The following TMEM117 variants were observed in gnomAD, a reference collection of about 807,000 sequenced individuals.
The protein encoded by TMEM117 is transmembrane protein 117.
A neutral mutation model predicts 52.4 loss-of-function variants in TMEM117; 27 were observed. The observed-to-expected ratio is 0.51, with a 90% confidence interval of 0.38 to 0.71. TMEM117 has a LOEUF of 0.71. TMEM117 is among the 30% of genes least tolerant of loss of function. TMEM117 has a pLI of 0.00. For missense variants in TMEM117, 556 were observed against 630.5 expected (o/e 0.88, Z 1.26); for synonymous variants, 215 against 206.3 (o/e 1.04, Z -0.36).
At chr12:44,211,440 C>T in intron 5 of TMEM117, 53 bp downstream of exon 5, 1 of 1,276,448 alleles carries the variant, frequency 7.8e-7, no homozygotes, top group South Asian at 1.3e-5. Context: ...CACTGAAGGA[C>T]TTTAGTTGGA....
At chr12:44,237,530 A>C (rs961514943) in intron 5 of TMEM117, among the ~76,000 whole-genome samples, 1 of 152,092 alleles carries the variant, frequency 6.6e-6, no homozygotes, top group Admixed American at 6.6e-5. Flanking sequence ...CAGCTTGGCC[A>C]ACATGGTGAA....
At chr12:43,838,006 CT>C (rs1379038151) in intron 1 of TMEM117, among the ~76,000 whole-genome samples, 8 of 152,150 alleles carry the variant, frequency 5.3e-5, no homozygotes, top group Non-Finnish European at 1.0e-4. Context: ...ATCAGAACCA[CT>C]TATGGTGGTT....
intron 3 of TMEM117, among the ~76,000 whole-genome samples, chr12:44,086,493 G>A (rs1426395497): frequency 6.6e-6 from 1 of 152,110 alleles, no homozygotes; most frequent in Non-Finnish European, 1.5e-5. Context: ...GGGATTACAG[G>A]CGTGAGCTAC....
In TMEM117 at chr12:44,022,874, T is replaced by C. The variant is rs554307891; in HGVS notation, c.410+78532T>C. On this transcript the variant is annotated intron_variant, in intron 3 of 7. Coordinates refer to ENST00000266534, the MANE Select transcript of TMEM117 (RefSeq NM_032256.3). ...TGAATTTAAAAGGAAAACAAGGAGG[T>C]TTCATTTTAATTTAATTTCCAGACA... Among the ~76,000 whole-genome samples, 41 of 152,060 alleles carry C rather than the reference T, an allele frequency of 2.7e-4. 1 individual carries two copies. The highest frequency in any genetic ancestry group is 9.4e-4 in the African/African-American group (39 of 41,502).
At chr12:44,029,778 C>T (rs1303883291) in intron 3 of TMEM117, among the ~76,000 whole-genome samples, 1 of 151,768 alleles carries the variant, frequency 6.6e-6, no homozygotes, top group African/African-American at 2.4e-5. Flanking sequence ...TAGGATAGAA[C>T]ACAGGCTTAG....
intron 5 of TMEM117, among the ~76,000 whole-genome samples, chr12:44,224,091 A>G (rs1242212908): frequency 6.6e-6 from 1 of 152,010 alleles, no homozygotes; most frequent in African/African-American, 2.4e-5. Flanking sequence ...AAAGACCTTT[A>G]ACTTCATTCT....
chr12:44,163,890 G>A (rs1948929638), intron 4 of TMEM117, among the ~76,000 whole-genome samples: 1 of 152,104 alleles, frequency 6.6e-6, no homozygotes. Context: ...AATATGTCAG[G>A]TCAACTGGAT....
At chr12:44,206,281 T>C (rs1376725501) in intron 4 of TMEM117, among the ~76,000 whole-genome samples, 1 of 152,216 alleles carries the variant, frequency 6.6e-6, no homozygotes, top group East Asian at 1.9e-4. Context: ...GGTTTAGGAA[T>C]GCCTTGAGCA....
chr12:44,137,877 C>T (rs1565844161), intron 3 of TMEM117, among the ~76,000 whole-genome samples: 1 of 152,086 alleles, frequency 6.6e-6, no homozygotes, highest in Non-Finnish European at 1.5e-5. Context: ...ACATGCTTTA[C>T]CCTGTGACAT....
At chr12:43,987,493 G>A (rs1455467326) in intron 3 of TMEM117, among the ~76,000 whole-genome samples, 1 of 148,030 alleles carries the variant, frequency 6.8e-6, no homozygotes, top group Non-Finnish European at 1.5e-5. Flanking sequence ...TACTCACATT[G>A]TCTTGTTTAG....
At chr12:43,977,891 G>A (rs1361191652) in intron 3 of TMEM117, among the ~76,000 whole-genome samples, 1 of 152,190 alleles carries the variant, frequency 6.6e-6, no homozygotes, top group Non-Finnish European at 1.5e-5. Flanking sequence ...AAGAGCATGT[G>A]TGCTAATTAG....
At chr12:44,072,559 C>G (rs1276728895) in intron 3 of TMEM117, among the ~76,000 whole-genome samples, 5 of 152,152 alleles carry the variant, frequency 3.3e-5, no homozygotes, top group Admixed American at 2.6e-4. Context: ...TCATAGGACC[C>G]TATATGGGGC....
chr12:43,908,088 G>A (rs1944424910), intron 2 of TMEM117, among the ~76,000 whole-genome samples: 1 of 62,102 alleles, frequency 1.6e-5, no homozygotes, highest in African/African-American at 3.1e-5. Context: ...GTGAAGGGCA[G>A]CCAGAGAGAA....
At chr12:44,169,569 G>T (rs1208881840) in intron 4 of TMEM117, among the ~76,000 whole-genome samples, 2 of 151,960 alleles carry the variant, frequency 1.3e-5, no homozygotes, top group African/African-American at 4.8e-5. Context: ...TAAGTTTTAG[G>T]AGTTATTTAT....
intron 5 of TMEM117, among the ~76,000 whole-genome samples, chr12:44,239,914 G>T (rs559016071): frequency 5.3e-5 from 8 of 151,790 alleles, no homozygotes; most frequent in Non-Finnish European, 7.4e-5. Flanking sequence ...GATCATTTTT[G>T]ATATATACCA....
At chr12:44,195,217 G>A (rs1410990208) in intron 4 of TMEM117, among the ~76,000 whole-genome samples, 1 of 152,118 alleles carries the variant, frequency 6.6e-6, no homozygotes, top group Non-Finnish European at 1.5e-5. Flanking sequence ...CAGCTTGTTG[G>A]CAGAATTCAG....
At chr12:44,196,589 T>A (rs1949424245) in intron 4 of TMEM117, among the ~76,000 whole-genome samples, 1 of 152,204 alleles carries the variant, frequency 6.6e-6, no homozygotes, top group African/African-American at 2.4e-5. Flanking sequence ...TAAAAATATG[T>A]CCTAAAGCTG....
At chr12:44,033,438 A>G (rs1326687846) in intron 3 of TMEM117, among the ~76,000 whole-genome samples, 1 of 152,164 alleles carries the variant, frequency 6.6e-6, no homozygotes, top group Non-Finnish European at 1.5e-5. Context: ...GGGAGCCTGG[A>G]TCAGGTGGGA....
At chr12:43,972,040 G>T (rs1945596093) in intron 3 of TMEM117, among the ~76,000 whole-genome samples, 3 of 152,128 alleles carry the variant, frequency 2.0e-5, no homozygotes, top group Admixed American at 6.6e-5. Context: ...TTGGCTTCAG[G>T]GTGGAGCCCT....
Sources: gnomAD v4.1 joint callset for allele counts (sites outside exome capture counted in the v4.1 genomes callset) on GRCh38, gnomAD v4.1.1 for gene constraint, MANE v1.5 for transcripts, NCBI Gene and HGNC (gene_info 2026-07-23, HGNC 2026-07-21) for gene names.